Variants in FBXO30 observed in about 807,000 individuals in gnomAD.
The protein encoded by FBXO30 is F-box protein 30.
A neutral mutation model predicts 58.1 loss-of-function variants in FBXO30; 21 were observed. That is an observed-to-expected ratio of 0.36 (90% confidence interval 0.26 to 0.52). The LOEUF (loss-of-function observed/expected upper bound fraction) is 0.52, where lower values mean the gene tolerates loss of function less well. FBXO30 is among the 20% of genes least tolerant of loss of function. The probability of loss-of-function intolerance (pLI) is 0.93; values close to 1 mark genes in which losing one functional copy is unlikely to be tolerated. For synonymous variants in FBXO30, 309 were observed against 312.4 expected, an observed-to-expected ratio of 0.99 and a Z score of 0.11; for missense variants, 744 against 897.3, an observed-to-expected ratio of 0.83 and a Z score of 2.18.
Position 145,804,633 on chromosome 6 carries a change from T to C in FBXO30, c.1773A>G (p.Pro591=), listed in dbSNP as rs774381575. ...GCTCCACTAATACTGTAGATACACA[T>C]GGCTGAACTCCAAATGACCTCAAAT... ...DRHLRSFGVQ[P]CVSTVLVEPA... is the part of the protein sequence containing the mutation. The change falls in exon 2 of 3, where the codon CCA becomes CCG. Residue 591 remains proline (P), a synonymous_variant. Transcript: ENST00000237281. The C allele has an allele frequency of 6.2e-7, 1 of 1,613,884 alleles. No individual in the cohort carries two copies. The highest frequency in any genetic ancestry group is 2.2e-5 in the East Asian group (1 of 44,884).
intron 2 of FBXO30, among the ~76,000 whole-genome samples, chr6:145,803,238 C>T (rs1022195618): frequency 1.3e-5 from 2 of 152,034 alleles, no homozygotes; most frequent in South Asian, 4.1e-4. Context: ...CTAAGACTGT[C>T]CCATCCCAAA....
chr6:145,809,087 C>T (rs972100332), intron 1 of FBXO30, among the ~76,000 whole-genome samples: 4 of 152,080 alleles, frequency 2.6e-5, no homozygotes, highest in South Asian at 2.1e-4. Context: ...GTGTTAAAAA[C>T]TACAAATTAT....
At position 145,806,270 on chromosome 6, in the gene FBXO30, C is replaced by A. The variant is rs34421515; in HGVS notation, c.136G>T (p.Ala46Ser). The A allele has an allele frequency of 3.3e-4, 534 of 1,614,032 alleles. 1 individual carries two copies. In the African/African-American group the frequency reaches 6.3e-3, roughly 19 times the overall value. Residue 46 changes from alanine (A) to serine (S), a missense_variant, in exon 2 of 3, where the codon GCT becomes TCT. Ala to Ser is a moderately conservative substitution (Grantham distance 99). Around this residue, in one of 3 missense-constraint regions of FBXO30, gnomAD observed 135 missense variants for 201.6 expected, o/e 0.67. Transcript: ENST00000237281. Reference protein sequence around the residue: ...VCGAVFHSCKADEHRLLCPFE... With the variant: ...VCGAVFHSCKSDEHRLLCPFE... Reference sequence around the variant, plus strand: ...GGACATAAAAGTCGATGCTCATCAGCTTTACAAGAATGGAAAACTGCACCA... The same window carrying A: ...GGACATAAAAGTCGATGCTCATCAGATTTACAAGAATGGAAAACTGCACCA...
rs1164140466 is a variant in FBXO30, at chr6:145,795,688, A to G, written c.*4418T>C. On this transcript the variant is annotated 3_prime_UTR_variant, in exon 3 of 3. Transcript: ENST00000237281. ...TGAAAAGTCACTCTCCACATAATAC[A>G]TTGAAATATAAAACAATCTGAATAC... 1 of 151,958 alleles carries G rather than the reference A, an allele frequency of 6.6e-6. No homozygotes were observed. Among genetic ancestry groups the G allele is most frequent in the Non-Finnish European group, 1.5e-5 (1 of 67,858 alleles). 9.4% of individuals were successfully genotyped at this position (151,958 alleles called of 1,614,324 possible).
Position 145,806,222 on chromosome 6 carries a change from T to G in FBXO30, c.184A>C (p.Asn62His). Reference protein sequence around the residue: ...LCPFERVPCLNSDFGCPFTMA... With the variant: ...LCPFERVPCLHSDFGCPFTMA... ...GTAAATGGACATCCAAAGTCACTAT[T>G]TAAGCAAGGCACTCGTTCAAATGGA... The change falls in exon 2 of 3, where the codon AAT becomes CAT. Residue 62 changes from asparagine to histidine, a missense_variant. This residue lies in a region of FBXO30 where 135 missense variants were observed against 201.6 expected (regional missense o/e 0.67). Transcript: ENST00000237281. The G allele has an allele frequency of 6.2e-7, 1 of 1,614,148 alleles. No homozygotes were observed. Among genetic ancestry groups the G allele is most frequent in the Non-Finnish European group, 8.5e-7 (1 of 1,180,004 alleles).
At chr6:145,807,951 G>A (rs1254308089) in intron 1 of FBXO30, among the ~76,000 whole-genome samples, 1 of 151,812 alleles carries the variant, frequency 6.6e-6, no homozygotes, top group Non-Finnish European at 1.5e-5. Context: ...AACATAGCAA[G>A]ACCCTGTCTC....
At chr6:145,806,702 T>G (rs541158175) in intron 1 of FBXO30, among the ~76,000 whole-genome samples, 1 of 152,186 alleles carries the variant, frequency 6.6e-6, no homozygotes. Context: ...AGTTTCAAAA[T>G]ATACTATTTA....
At chr6:145,804,199 TCTAA>T (rs1473503868) in intron 2 of FBXO30, among the ~76,000 whole-genome samples, 169 bp downstream of exon 2, 1 of 152,118 alleles carries the variant, frequency 6.6e-6, no homozygotes, top group Non-Finnish European at 1.5e-5. Context: ...GGCAAACAAT[TCTAA>T]CTATCCTAGT....
At position 145,795,380 on chromosome 6, in the gene FBXO30, G is replaced by A. The variant is rs1446237669; in HGVS notation, c.*4726C>T. 3 of 151,776 alleles carry A rather than the reference G, an allele frequency of 2.0e-5. No individual in the cohort carries two copies. The highest frequency in any genetic ancestry group is 7.3e-5 in the African/African-American group (3 of 41,370). The allele number at this position is 151,776 out of a possible 1,614,324, so 9.4% of individuals were successfully genotyped here. A position where few individuals can be genotyped will look rare whatever the true frequency, so the allele number is the denominator to read the frequency against. Reference sequence around the variant, plus strand: ...CACGAAGAACTATTAACCACCACAAGAACTAGCTACATATTGAAGAACCAT... The same window carrying A: ...CACGAAGAACTATTAACCACCACAAAAACTAGCTACATATTGAAGAACCAT... On this transcript the variant is annotated 3_prime_UTR_variant, in exon 3 of 3. Transcript: ENST00000237281.
intron 1 of FBXO30, among the ~76,000 whole-genome samples, chr6:145,807,814 TTA>T (rs1439603158): frequency 2.0e-5 from 3 of 152,108 alleles, no homozygotes; most frequent in Non-Finnish European, 4.4e-5. Flanking sequence ...AATAAAAACT[TTA>T]AAAGATTATT....
chr6:145,803,182 C>T (rs906188744), intron 2 of FBXO30, among the ~76,000 whole-genome samples: 5 of 151,960 alleles, frequency 3.3e-5, no homozygotes, highest in African/African-American at 1.2e-4. Flanking sequence ...CCAAAAATTT[C>T]ACTCCATATG....
chr6:145,797,716 T>TAACA lies in FBXO30; in HGVS notation c.*2386_*2389dup, dbSNP rs1777891894. 6.6e-6 allele frequency: 1 copy of TAACA among 152,042 alleles called. No homozygotes were observed. The highest frequency in any genetic ancestry group is 2.4e-5 in the African/African-American group (1 of 41,418). 9.4% of individuals were successfully genotyped at this position (152,042 alleles called of 1,614,324 possible). A position where few individuals can be genotyped will look rare whatever the true frequency, so the allele number is the denominator to read the frequency against. On this transcript the variant is annotated 3_prime_UTR_variant, in exon 3 of 3. Transcript: ENST00000237281. Reference sequence around the variant, plus strand: ...AAAGGGAGAGGGAGAAAGATTAAGCTAACAGGCAGTATTGAGGAAGGAGGC... The same window carrying TAACA: ...AAAGGGAGAGGGAGAAAGATTAAGCTAACAAACAGGCAGTATTGAGGAAGGAGGC...
rs748930257 is a variant in FBXO30, at chr6:145,804,403, T to G, written c.2003A>C (p.Glu668Ala). 1 of 1,613,232 alleles carries G rather than the reference T, an allele frequency of 6.2e-7. No homozygotes were observed. The highest frequency in any genetic ancestry group is 2.2e-5 in the East Asian group (1 of 44,872). ...ILQWGKRKYP[E>A]GNSSWQIKEK... is the part of the protein sequence containing the mutation. The stretch of plus-strand genomic sequence containing the variant: ...TTTTATCTGCCATGATGAATTTCCT[T>G]CTGGATACTTCCTTTTCCCCCACTG... Residue 668 changes from glutamate (E) to alanine (A), a missense_variant, in exon 2 of 3, where the codon GAA becomes GCA. By Grantham distance (107) the Glu-to-Ala change is moderately radical. Transcript: ENST00000237281.
At chr6:145,812,140 T>G (rs1778351139) in intron 1 of FBXO30, among the ~76,000 whole-genome samples, 1 of 152,228 alleles carries the variant, frequency 6.6e-6, no homozygotes, top group Admixed American at 6.5e-5. Context: ...ATTCTTTTAT[T>G]AAACTTTCGT....
At chr6:145,801,310 G>A (rs1361392442) in intron 2 of FBXO30, among the ~76,000 whole-genome samples, 9 of 152,160 alleles carry the variant, frequency 5.9e-5, no homozygotes, top group Middle Eastern at 3.4e-3. Context: ...CCTGGGGCCC[G>A]TAGGCAGCAT....
intron 1 of FBXO30, among the ~76,000 whole-genome samples, chr6:145,814,179 A>G (rs1331903352): frequency 6.6e-6 from 1 of 152,144 alleles, no homozygotes; most frequent in Non-Finnish European, 1.5e-5. Flanking sequence ...ACTTTAAGCC[A>G]TTTGTCCCCA....
In FBXO30 at chr6:145,805,594, C is replaced by T. The variant is rs777226016; in HGVS notation, c.812G>A (p.Cys271Tyr). Residue 271 changes from cysteine to tyrosine, a missense_variant, in exon 2 of 3, where the codon TGT (cysteine) becomes TAT (tyrosine). Physicochemically the swap from Cys to Tyr is radical, Grantham distance 194 (BLOSUM62 -2). Around this residue, in one of 3 missense-constraint regions of FBXO30, gnomAD observed 275 missense variants for 262.0 expected, o/e 1.05. Coordinates refer to ENST00000237281, the MANE Select transcript of FBXO30 (RefSeq NM_032145.5). ...GTCATAAGAACTTGTATTCAAGTCA[C>T]ATAATAAATCACTTGAACCATTTTG... ...SEQNGSSDLL[C>Y]DLNTSSYDTS... 28 of 1,613,668 alleles carry T rather than the reference C, an allele frequency of 1.7e-5. No homozygotes were observed. Among genetic ancestry groups the T allele is most frequent in the Non-Finnish European group, 2.4e-5 (28 of 1,179,876 alleles).
chr6:145,812,247 T>C (rs967698110), intron 1 of FBXO30, among the ~76,000 whole-genome samples: 5 of 152,196 alleles, frequency 3.3e-5, no homozygotes, highest in Non-Finnish European at 4.4e-5. Context: ...CTTTCATTTC[T>C]AAATAGAGTC....
rs890720098 is a variant in FBXO30, at chr6:145,807,791, G to C, written c.-16-1370C>G. The stretch of plus-strand genomic sequence containing the variant: ...GTATAATCAACTTCTTTACTGGTGT[G>C]TTTCCTATTAGCAATAAAAACTTTA... On this transcript the variant is annotated intron_variant, in intron 1 of 2. Coordinates refer to ENST00000237281, the MANE Select transcript of FBXO30 (RefSeq NM_032145.5). 2.0e-5 allele frequency among the ~76,000 whole-genome samples: 3 copies of C among 151,898 alleles called. No homozygotes were observed. The East Asian group carries it at 5.8e-4, about 29-fold the overall frequency.
Sources: gnomAD v4.1 joint callset for allele counts (sites outside exome capture counted in the v4.1 genomes callset) on GRCh38, gnomAD v4.1.1 for gene constraint, gnomAD v4.1.1 regional missense constraint, MANE v1.5 for transcripts, NCBI Gene and HGNC (gene_info 2026-07-23, HGNC 2026-07-21) for gene names.